The following DGKA variants were observed in gnomAD, a reference collection of about 807,000 sequenced individuals.
DGKA encodes the protein diacylglycerol kinase alpha.
A neutral mutation model predicts 105.0 loss-of-function variants in DGKA; 35 were observed. The observed-to-expected ratio is 0.33, with a 90% CI of 0.25 to 0.44. The LOEUF is 0.44. Ranked by LOEUF, DGKA falls within the 20% of genes least tolerant of loss-of-function variation. The probability of loss-of-function intolerance (pLI) is 1.00; values close to 1 mark genes in which losing one functional copy is unlikely to be tolerated. For missense variants in DGKA, 665 were observed against 915.0 expected (o/e 0.73, Z 3.53); for synonymous variants, 296 against 332.0 (o/e 0.89, Z 1.18).
At chr12:55,947,890 A>G (rs1448420880) in intron 17 of DGKA, among the ~76,000 whole-genome samples, 1 of 152,026 alleles carries the variant, frequency 6.6e-6, no homozygotes. Context: ...TCCGGGTTCA[A>G]GCGATTCTCG....
chr12:55,927,958 G>A (rs1021906602), upstream of DGKA: 2 of 637,488 alleles, frequency 3.1e-6, no homozygotes, highest in Non-Finnish European at 5.2e-6. Flanking sequence ...GACCTACTTA[G>A]TATTCTAATT....
chr12:55,937,852 A>T (rs1185545930), intron 4 of DGKA, 126 bp from the exon 5 acceptor site: 1 of 866,652 alleles, frequency 1.2e-6, no homozygotes, highest in African/African-American at 1.7e-5. Context: ...ACAGAGCAAG[A>T]CCCTGTCTCT....
At chr12:55,938,245 A>T (rs1276345924) in intron 5 of DGKA, 193 bp downstream of exon 5, 2 of 667,542 alleles carry the variant, frequency 3.0e-6, no homozygotes, top group Non-Finnish European at 5.2e-6. Flanking sequence ...TAGTCACCCC[A>T]GTACCCATGT....
Position 55,940,742 on chromosome 12 carries a change from C to G in DGKA, c.1017+20C>G, listed in dbSNP as rs1490661969. 2 of 1,611,262 alleles carry G rather than the reference C, an allele frequency of 1.2e-6. No individual in the cohort carries two copies. The highest frequency in any genetic ancestry group is 1.3e-5 in the African/African-American group (1 of 74,754). On this transcript the variant is annotated intron_variant, in intron 12 of 23. Coordinates refer to ENST00000331886, the MANE Select transcript of DGKA (RefSeq NM_001345.5). This position sits in a 1 kb window ranked among gnomAD's most constrained non-coding sequence, Gnocchi z 4.3. The stretch of plus-strand genomic sequence containing the variant: ...GTCCTGGTGAGACCCTCGGCAGCAG[C>G]GGGGAGGGGACAGGAGTGCCTCCCC...
Position 55,931,316 on chromosome 12 carries a change from C to A in DGKA, c.-110C>A, listed in dbSNP as rs577673023. On this transcript the variant is annotated 5_prime_UTR_variant, in exon 1 of 24. Transcript: ENST00000331886. ...TTTCACTCCCTACTTTTGGCCAGGG[C>A]CTTCTGTGCCACCTGCCAAGACCAG... 1 of 152,204 alleles carries A rather than the reference C, an allele frequency of 6.6e-6. No individual in the cohort carries two copies. The highest frequency in any genetic ancestry group is 1.9e-4 in the East Asian group (1 of 5,186). The allele number at this position is 152,204 out of a possible 1,614,324, so 9.4% of individuals were successfully genotyped here. A position where few individuals can be genotyped will look rare whatever the true frequency, so the allele number is the denominator to read the frequency against.
chr12:55,940,384 G>A lies in DGKA; in HGVS notation c.869G>A (p.Arg290Gln), dbSNP rs1325959066. The A allele has an allele frequency of 1.9e-6, 3 of 1,614,244 alleles. No homozygotes were observed. The highest frequency in any genetic ancestry group is 1.1e-5 in the South Asian group (1 of 91,088). The change falls in exon 11 of 24, where the codon CGG becomes CAG. Residue 290 changes from arginine (R) to glutamine (Q), a missense_variant. Arg to Gln is a conservative substitution (Grantham distance 43, BLOSUM62 1). Transcript: ENST00000331886. The surrounding 1 kb of genome is among the most constrained non-coding windows in gnomAD (Gnocchi z 4.3). ...GRCDRCQKKIRIYHSLTGLHC... is the reference protein window; with the variant it reads ...GRCDRCQKKIQIYHSLTGLHC... The stretch of plus-strand genomic sequence containing the variant: ...TGCGACCGCTGTCAGAAAAAGATCC[G>A]GATCTACCACAGTCTGACCGGGCTG...
Position 55,953,977 on chromosome 12 carries a change from C to A in DGKA, c.*209C>A, listed in dbSNP as rs1399144906. The A allele has an allele frequency of 3.2e-6, 2 of 633,800 alleles. No homozygotes were observed. The highest frequency in any genetic ancestry group is 5.4e-6 in the Non-Finnish European group (2 of 370,342). The allele number at this position is 633,800 out of a possible 1,614,324, so 39.3% of individuals were successfully genotyped here. A position where few individuals can be genotyped will look rare whatever the true frequency, so the allele number is the denominator to read the frequency against. On this transcript the variant is annotated 3_prime_UTR_variant, in exon 24 of 24. Coordinates refer to ENST00000331886, the MANE Select transcript of DGKA (RefSeq NM_001345.5). ...CCCCAAAACACATACATTGAAAGTG[C>A]CTCATCTGAATAAAATGACTTGTGT...
At chr12:55,938,759 T>TACAAACAC (rs1431716812) in intron 6 of DGKA, 156 bp from the exon 7 acceptor site, 1 of 1,523,162 alleles carries the variant, frequency 6.6e-7, no homozygotes. Flanking sequence ...GGGTCTGCCT[T>TACAAACAC]ACAAACATAC....
intron 4 of DGKA, 115 bp from the exon 5 acceptor site, chr12:55,937,863 C>A: frequency 1.0e-6 from 1 of 985,256 alleles, no homozygotes; most frequent in Non-Finnish European, 1.5e-6. Context: ...CCCTGTCTCT[C>A]AAAAAAATCA....
intron 17 of DGKA, among the ~76,000 whole-genome samples, chr12:55,948,621 A>C (rs1887528515): frequency 6.6e-6 from 1 of 151,442 alleles, no homozygotes; most frequent in Non-Finnish European, 1.5e-5. Flanking sequence ...CCAGATACTC[A>C]GGAGGCTGAG....
intron 17 of DGKA, among the ~76,000 whole-genome samples, chr12:55,947,855 A>G (rs1049953242): frequency 6.6e-6 from 1 of 152,098 alleles, no homozygotes; most frequent in Admixed American, 6.5e-5. Flanking sequence ...CTATAGTACA[A>G]TCTCGGCTCA....
intron 22 of DGKA, 31 bp from the exon 23 acceptor site, chr12:55,953,319 G>A (rs1292442631): frequency 1.2e-5 from 20 of 1,613,328 alleles, no homozygotes; most frequent in Non-Finnish European, 1.7e-5. Flanking sequence ...GATTGGTAAG[G>A]AAATCACCAA....
intron 2 of DGKA, 102 bp from the exon 3 acceptor site, chr12:55,936,915 A>T: frequency 9.4e-7 from 1 of 1,069,204 alleles, no homozygotes; most frequent in Non-Finnish European, 1.5e-6. Flanking sequence ...TTCTTCTTGG[A>T]ATTTCTTCAT....
Position 55,940,224 on chromosome 12 carries a change from C to CTGGCCCT in DGKA, c.798+61_798+67dup, listed in dbSNP as rs1885614547. ...CATCACCTACATCCTGGCCCTGGCCCTGGCCCTTGGCCCATTGCTGCCCTC... is the reference window on the plus strand; with the variant it reads ...CATCACCTACATCCTGGCCCTGGCCCTGGCCCTTGGCCCTTGGCCCATTGCTGCCCTC... On this transcript the variant is annotated intron_variant, in intron 10 of 23. Transcript: ENST00000331886. This position sits in a 1 kb window ranked among gnomAD's most constrained non-coding sequence, Gnocchi z 4.3. 6.2e-7 allele frequency: 1 copy of CTGGCCCT among 1,613,918 alleles called. No individual in the cohort carries two copies. Among genetic ancestry groups the CTGGCCCT allele is most frequent in the Non-Finnish European group, 8.5e-7 (1 of 1,179,886 alleles).
At chr12:55,945,486 T>C (rs912532364) in intron 17 of DGKA, among the ~76,000 whole-genome samples, 1 of 152,196 alleles carries the variant, frequency 6.6e-6, no homozygotes, top group African/African-American at 2.4e-5. Context: ...TGTCTTACAG[T>C]TCTGGATGAG....
At chr12:55,936,168 G>A in intron 1 of DGKA, 1 of 559,202 alleles carries the variant, frequency 1.8e-6, no homozygotes, top group South Asian at 3.6e-5. Context: ...AGATAGGTTG[G>A]GGGAGAGGGA....
upstream of DGKA, chr12:55,927,724 C>T (rs1048978754): frequency 5.8e-6 from 9 of 1,539,894 alleles, no homozygotes; most frequent in Non-Finnish European, 7.0e-6. Flanking sequence ...GGGTCGGTCA[C>T]CTGTCTCCGT....
rs934414349 is a variant in DGKA, at chr12:55,932,673, A to G, written c.-82+1329A>G. The G allele has an allele frequency of 4.3e-6, 3 of 692,132 alleles. No individual in the cohort carries two copies. The highest frequency in any genetic ancestry group is 2.0e-5 in the Admixed American group (1 of 49,472). 42.9% of individuals were successfully genotyped at this position (692,132 alleles called of 1,614,324 possible). A position where few individuals can be genotyped will look rare whatever the true frequency, so the allele number is the denominator to read the frequency against. On this transcript the variant is annotated intron_variant, in intron 1 of 23. Transcript: ENST00000331886. This position sits in a 1 kb window ranked among gnomAD's most constrained non-coding sequence, Gnocchi z 4.3. ...TGCCAGTATCGTAACTTCCTCCTAT[A>G]CTACGCAATGACACCCTCTACACAC...
At chr12:55,951,817 AG>A (rs753397499) in intron 18 of DGKA, 34 bp downstream of exon 18, 9 of 1,602,946 alleles carry the variant, frequency 5.6e-6, no homozygotes, top group Admixed American at 5.1e-5. Context: ...GAAGGGAGAA[AG>A]GGGGGGCCAA....
Sources: gnomAD v4.1 joint callset for allele counts (sites outside exome capture counted in the v4.1 genomes callset) on GRCh38, gnomAD v4.1.1 for gene constraint, Gnocchi (gnomAD v3.1) non-coding constraint, MANE v1.5 for transcripts, NCBI Gene and HGNC (gene_info 2026-07-23, HGNC 2026-07-21) for gene names.